FKBP6: variants seen among roughly 807,000 people sequenced by gnomAD.
The protein encoded by FKBP6 is FKBP prolyl isomerase family member 6 (inactive).
A neutral mutation model predicts 41.7 loss-of-function variants in FKBP6; 29 were observed. The observed-to-expected ratio is 0.70, with a 90% CI of 0.52 to 0.95. FKBP6 has a LOEUF of 0.95. Among genes scored for constraint, FKBP6 ranks in the 40% least tolerant of loss-of-function variants. FKBP6 has a pLI of 0.00. For synonymous variants in FKBP6, 130 were observed against 165.1 expected (o/e 0.79, Z 1.63); for missense variants, 338 against 408.7 (o/e 0.83, Z 1.49).
At chr7:73,357,575 C>A (rs1331633443) in intron 8 of FKBP6, among the ~76,000 whole-genome samples, 6 of 152,060 alleles carry the variant, frequency 3.9e-5, no homozygotes, top group Non-Finnish European at 8.8e-5. Flanking sequence ...TCAGTCTTTA[C>A]TTACTTCTGT....
intron 6 of FKBP6, 93 bp from the exon 7 acceptor site, chr7:73,341,180 T>G: frequency 1.1e-6 from 1 of 922,432 alleles, no homozygotes; most frequent in African/African-American, 1.6e-5. Context: ...CGCCTTGGCC[T>G]CCCAAAGTGC....
intron 3 of FKBP6, 198 bp downstream of exon 3, chr7:73,329,647 C>T: frequency 1.6e-6 from 1 of 616,850 alleles, no homozygotes; most frequent in East Asian, 2.7e-5. Flanking sequence ...AAGGTATAAT[C>T]TTTGCACTCT....
chr7:73,340,973 G>A, intron 6 of FKBP6, 141 bp downstream of exon 6: 2 of 733,030 alleles, frequency 2.7e-6, no homozygotes, highest in Non-Finnish European at 4.6e-6. Context: ...GCCCAGGATG[G>A]AGTGCAGTGG....
intron 7 of FKBP6, 150 bp downstream of exon 7, chr7:73,341,532 G>C (rs533636687): frequency 3.0e-6 from 2 of 677,174 alleles, no homozygotes; most frequent in Non-Finnish European, 5.4e-6. Context: ...TGAAGTGCTC[G>C]GCCGTGCGCT....
chr7:73,338,929 C>G (rs1805088892), intron 5 of FKBP6, among the ~76,000 whole-genome samples: 1 of 152,176 alleles, frequency 6.6e-6, no homozygotes, highest in African/African-American at 2.4e-5. Context: ...GCTGTCTGCA[C>G]TTTCTTTGCA....
chr7:73,356,149 AT>A (rs1362721828), intron 8 of FKBP6, among the ~76,000 whole-genome samples: 2 of 150,860 alleles, frequency 1.3e-5, no homozygotes, highest in Non-Finnish European at 3.0e-5. Context: ...ACTAGAATAT[AT>A]TTTTATTGCA....
chr7:73,345,715 T>C (rs1805315158), intron 8 of FKBP6, among the ~76,000 whole-genome samples: 1 of 152,180 alleles, frequency 6.6e-6, no homozygotes, highest in Non-Finnish European at 1.5e-5. Flanking sequence ...TCAGCACCAG[T>C]AAGCTGACAC....
In FKBP6 at chr7:73,329,345, TTTC is replaced by T; in HGVS notation, c.176-10_176-8del. Reference sequence around the variant, plus strand: ...TTTTTGGTCCATTTTCCTTACATTCTTTCTTCTATCCTAGTGAAATACTCGGGA... The same window carrying T: ...TTTTTGGTCCATTTTCCTTACATTCTTTCTATCCTAGTGAAATACTCGGGA... On this transcript the variant is annotated splice_polypyrimidine_tract_variant and intron_variant, in intron 2 of 8. Coordinates refer to ENST00000252037, the MANE Select transcript of FKBP6 (RefSeq NM_003602.5). 1.3e-6 allele frequency: 2 copies of T among 1,510,422 alleles called. No homozygotes were observed. Among genetic ancestry groups the T allele is most frequent in the Non-Finnish European group, 1.8e-6 (2 of 1,085,490 alleles). 93.6% of individuals were successfully genotyped at this position (1,510,422 alleles called of 1,614,324 possible).
chr7:73,331,824 C>T (rs1056480846), intron 5 of FKBP6, 48 bp downstream of exon 5: 9 of 1,576,002 alleles, frequency 5.7e-6, no homozygotes, highest in Admixed American at 5.0e-5. Flanking sequence ...CTGAAAACTT[C>T]CTTGTTTAAA....
chr7:73,350,531 A>AT (rs1281177635), intron 8 of FKBP6, among the ~76,000 whole-genome samples: 2 of 151,984 alleles, frequency 1.3e-5, no homozygotes, highest in Non-Finnish European at 2.9e-5. Flanking sequence ...TGTTGAGGAA[A>AT]TTCCCCCCTC....
chr7:73,345,926 G>C (rs1805320572), intron 8 of FKBP6, among the ~76,000 whole-genome samples: 1 of 152,200 alleles, frequency 6.6e-6, no homozygotes. Context: ...GGGTCTATCC[G>C]AGCAGAGCTG....
At chr7:73,350,745 C>G (rs769319614) in intron 8 of FKBP6, among the ~76,000 whole-genome samples, 1 of 152,148 alleles carries the variant, frequency 6.6e-6, no homozygotes, top group Non-Finnish European at 1.5e-5. Flanking sequence ...GGTCCTGGCT[C>G]AGAGCTGGCC....
intron 5 of FKBP6, among the ~76,000 whole-genome samples, chr7:73,340,022 T>C (rs1805125065): frequency 6.6e-6 from 1 of 152,262 alleles, no homozygotes; most frequent in Non-Finnish European, 1.5e-5. Flanking sequence ...ACCATCTTAA[T>C]ATTGTCTTCC....
chr7:73,339,745 C>G (rs1554549114), intron 5 of FKBP6, among the ~76,000 whole-genome samples: 1 of 151,792 alleles, frequency 6.6e-6, no homozygotes, highest in African/African-American at 2.4e-5. Flanking sequence ...TCCAATGTAG[C>G]TGGAATTACA....
chr7:73,340,813 C>T lies in FKBP6; in HGVS notation c.764C>T (p.Ala255Val), dbSNP rs1554549378. Residue 255 changes from alanine to valine, a missense_variant, in exon 6 of 9, where the codon GCC (alanine) becomes GTC (valine). By Grantham distance (64) the Ala-to-Val change is moderately conservative. Coordinates refer to ENST00000252037, the MANE Select transcript of FKBP6 (RefSeq NM_003602.5). ...ALIIDQKNAKALFRCGQACLL... is the reference protein window; with the variant it reads ...ALIIDQKNAKVLFRCGQACLL... ...ATCATTGACCAAAAGAATGCCAAGG[C>T]CCTCTTCAGGTGTGGACAGGTGAGT... 4 of 1,613,822 alleles carry T rather than the reference C, an allele frequency of 2.5e-6. No individual in the cohort carries two copies.
At chr7:73,346,839 A>G (rs1554550350) in intron 8 of FKBP6, among the ~76,000 whole-genome samples, 1 of 152,240 alleles carries the variant, frequency 6.6e-6, no homozygotes, top group African/African-American at 2.4e-5. Flanking sequence ...GCATGACCAT[A>G]GTGCCTGAGG....
At chr7:73,343,967 T>G (rs1224100136) in intron 8 of FKBP6, among the ~76,000 whole-genome samples, 1 of 152,252 alleles carries the variant, frequency 6.6e-6, no homozygotes, top group Non-Finnish European at 1.5e-5. Flanking sequence ...GTCCATAAAC[T>G]GCTGCTATCT....
chr7:73,358,346 T>C lies in FKBP6; in HGVS notation c.*168T>C, dbSNP rs1805694953. ...GGCTGAAACGTGTTTTCACAGGTGC[T>C]GTTTTCTGTTTTCCGTGTTCGTAAC... On this transcript the variant is annotated 3_prime_UTR_variant, in exon 9 of 9. Transcript: ENST00000252037. 1 of 152,294 alleles carries C rather than the reference T, an allele frequency of 6.6e-6. No individual in the cohort carries two copies. Among genetic ancestry groups the C allele is most frequent in the South Asian group, 2.1e-4 (1 of 4,816 alleles). 9.4% of individuals were successfully genotyped at this position (152,294 alleles called of 1,614,324 possible). A position where few individuals can be genotyped will look rare whatever the true frequency, so the allele number is the denominator to read the frequency against.
intron 4 of FKBP6, among the ~76,000 whole-genome samples, chr7:73,331,371 T>C (rs1256639913): frequency 6.6e-6 from 1 of 152,214 alleles, no homozygotes; most frequent in Non-Finnish European, 1.5e-5. Context: ...CTTCTGGCTC[T>C]AGGGTGTAAA....
Sources: gnomAD v4.1 joint callset for allele counts (sites outside exome capture counted in the v4.1 genomes callset) on GRCh38, gnomAD v4.1.1 for gene constraint, MANE v1.5 for transcripts, NCBI Gene and HGNC (gene_info 2026-07-23, HGNC 2026-07-21) for gene names.